The following NEDD9 variants were observed in gnomAD, a reference collection of about 807,000 sequenced individuals.
NEDD9 encodes enhancer of filamentation 1.
In NEDD9, 26 loss-of-function variants were observed where a neutral mutation model predicts 76.6. The observed-to-expected ratio is 0.34, with a 90% CI of 0.25 to 0.47. The LOEUF is 0.47. Among genes scored for constraint, NEDD9 ranks in the 20% least tolerant of loss-of-function variants. NEDD9 has a pLI of 1.00. For missense variants in NEDD9, 937 were observed against 1,058.5 expected, an observed-to-expected ratio of 0.89 and a Z score of 1.59; for synonymous variants, 392 against 414.2, an observed-to-expected ratio of 0.95 and a Z score of 0.65.
chr6:11,240,273 C>T (rs1396972711), intron 3 of NEDD9, among the ~76,000 whole-genome samples: 1 of 152,220 alleles, frequency 6.6e-6, no homozygotes, highest in Middle Eastern at 3.4e-3. Flanking sequence ...TGGGTCTCCA[C>T]ACTGTGAAGA....
chr6:11,203,608 C>T (rs1299632624), intron 2 of NEDD9, among the ~76,000 whole-genome samples: 1 of 152,170 alleles, frequency 6.6e-6, no homozygotes. Flanking sequence ...AAAACGTCTG[C>T]AAAATCCAAG....
intron 1 of NEDD9, among the ~76,000 whole-genome samples, chr6:11,375,542 A>G (rs1359218928): frequency 6.6e-6 from 1 of 152,184 alleles, no homozygotes; most frequent in East Asian, 1.9e-4. Context: ...GGTGGGGCCT[A>G]GTAGGAGGTA....
chr6:11,305,264 G>A (rs1761152269), intron 3 of NEDD9: 1 of 611,074 alleles, frequency 1.6e-6, no homozygotes, highest in Non-Finnish European at 2.5e-6. Context: ...TTCATCCTCT[G>A]AACAATCTTC....
chr6:11,318,061 G>A (rs1473575574), intron 2 of NEDD9, among the ~76,000 whole-genome samples: 1 of 152,138 alleles, frequency 6.6e-6, no homozygotes, highest in African/African-American at 2.4e-5. Context: ...GACTTAAATG[G>A]AGATATCAGA....
chr6:11,231,361 T>C (rs1399710093), intron 1 of NEDD9, among the ~76,000 whole-genome samples: 1 of 152,246 alleles, frequency 6.6e-6, no homozygotes. Context: ...AGATTCATAG[T>C]TTTTGAACAA....
chr6:11,294,925 G>A (rs569816577), intron 3 of NEDD9, among the ~76,000 whole-genome samples: 14 of 152,298 alleles, frequency 9.2e-5, no homozygotes, highest in South Asian at 6.2e-4. Flanking sequence ...GGTCTTTCCC[G>A]TGCTGTTCTT....
At chr6:11,236,920 C>T (rs969468197), upstream of NEDD9, among the ~76,000 whole-genome samples, 13 of 152,154 alleles carry the variant, frequency 8.5e-5, no homozygotes, top group African/African-American at 2.4e-4. This position sits in a 1 kb window ranked among gnomAD's most constrained non-coding sequence, Gnocchi z 5.5. Context: ...CCGCCGACCC[C>T]CATCCCACCC....
At chr6:11,315,692 T>C (rs1761530867) in intron 2 of NEDD9, among the ~76,000 whole-genome samples, 1 of 152,170 alleles carries the variant, frequency 6.6e-6, no homozygotes, top group Non-Finnish European at 1.5e-5. Flanking sequence ...TATAAATGAA[T>C]TCAAAATCCT....
intron 1 of NEDD9, among the ~76,000 whole-genome samples, chr6:11,229,436 C>CG (rs1385468865): frequency 2.0e-5 from 3 of 152,144 alleles, no homozygotes; most frequent in South Asian, 2.1e-4. Flanking sequence ...GGTGGGGTCT[C>CG]GGGGGCTTCT....
intron 6 of NEDD9, among the ~76,000 whole-genome samples, chr6:11,187,924 A>G (rs1342162911): frequency 1.3e-5 from 2 of 152,214 alleles, no homozygotes; most frequent in African/African-American, 4.8e-5. Flanking sequence ...GCTAGCTTGA[A>G]TGGGTCTTGT....
At chr6:11,273,507 G>T (rs1581993029) in intron 3 of NEDD9, among the ~76,000 whole-genome samples, 1 of 152,322 alleles carries the variant, frequency 6.6e-6, no homozygotes, top group South Asian at 2.1e-4. Context: ...GGTGCGAACG[G>T]CCGGGGACTG....
intron 1 of NEDD9, among the ~76,000 whole-genome samples, chr6:11,335,974 A>C (rs887292499): frequency 3.2e-4 from 48 of 152,102 alleles, no homozygotes; most frequent in African/African-American, 1.1e-3. Context: ...TGCACTTGAG[A>C]TTTACTTCCA....
At chr6:11,193,729 G>T in intron 2 of NEDD9, 37 bp from the exon 3 acceptor site, 1 of 1,484,866 alleles carries the variant, frequency 6.7e-7, no homozygotes, top group Non-Finnish European at 9.4e-7. Flanking sequence ...AAATTTCCAA[G>T]CCTGAGTCCT....
At chr6:11,240,405 T>G (rs897695356) in intron 3 of NEDD9, among the ~76,000 whole-genome samples, 1 of 152,176 alleles carries the variant, frequency 6.6e-6, no homozygotes, top group African/African-American at 2.4e-5. Context: ...CTCTTTGAGG[T>G]GGCTTTTAAT....
At chr6:11,308,229 G>C (rs903038834) in intron 2 of NEDD9, among the ~76,000 whole-genome samples, 3 of 152,002 alleles carry the variant, frequency 2.0e-5, no homozygotes, top group African/African-American at 4.8e-5. Context: ...TAGATGGCTG[G>C]GTCTAGGGGT....
At chr6:11,374,066 C>CTCTATATA (rs1554136634) in intron 1 of NEDD9, among the ~76,000 whole-genome samples, 59 of 149,672 alleles carry the variant, frequency 3.9e-4, no homozygotes, top group African/African-American at 1.4e-3. Context: ...CTCTCTCTCT[C>CTCTATATA]TATATATATA....
chr6:11,333,251 A>G (rs565702666), intron 2 of NEDD9, among the ~76,000 whole-genome samples: 2 of 152,314 alleles, frequency 1.3e-5, no homozygotes, highest in South Asian at 4.1e-4. Context: ...TTCCCAATCA[A>G]TCAAAAGACA....
At chr6:11,195,987 T>G (rs1221988689) in intron 2 of NEDD9, among the ~76,000 whole-genome samples, 1 of 149,802 alleles carries the variant, frequency 6.7e-6, no homozygotes, top group Non-Finnish European at 1.5e-5. Flanking sequence ...AGAGTGAAAC[T>G]CCGTCTCAAA....
intron 1 of NEDD9, among the ~76,000 whole-genome samples, chr6:11,338,296 G>T (rs1325543354): frequency 6.6e-6 from 1 of 152,176 alleles, no homozygotes; most frequent in Non-Finnish European, 1.5e-5. Context: ...GCCAAAGACG[G>T]CCAGCAAACA....
Sources: allele counts gnomAD v4.1 joint callset (sites outside exome capture counted in the v4.1 genomes callset), GRCh38; gene constraint gnomAD v4.1.1; non-coding constraint Gnocchi (gnomAD v3.1); transcripts MANE v1.5; gene names NCBI Gene and HGNC (gene_info 2026-07-23, HGNC 2026-07-21).